Variants in IFT52 observed in about 807,000 individuals in gnomAD.
The protein encoded by IFT52 is intraflagellar transport protein 52 homolog.
In IFT52, 44 loss-of-function variants were observed where a neutral mutation model predicts 54.4. The observed-to-expected ratio is 0.81, with a 90% CI of 0.63 to 1.04. IFT52 has a LOEUF of 1.04. Ranked by LOEUF, IFT52 falls within the 50% of genes least tolerant of loss-of-function variation. The pLI, the probability that IFT52 is intolerant of heterozygous loss-of-function variation, is 0.00. For missense variants in IFT52, 452 were observed against 523.6 expected (o/e 0.86, Z 1.33); for synonymous variants, 181 against 185.3 (o/e 0.98, Z 0.19).
In IFT52 at chr20:43,642,544, C is replaced by T. The variant is rs752203011; in HGVS notation, c.1186C>T (p.Leu396=). 8 of 1,614,082 alleles carry T rather than the reference C, an allele frequency of 5.0e-6. No individual in the cohort carries two copies. In the South Asian group the frequency reaches 8.8e-5, roughly 18 times the overall value. ...CGDILGVTSK[L]PKDQQDAKHI... is the part of the protein sequence containing the mutation. ...TGATATTCTTGGAGTAACCAGTAAACTACCAAAGGACCAACAGGATGCCAA... is the reference window on the plus strand; with the variant it reads ...TGATATTCTTGGAGTAACCAGTAAATTACCAAAGGACCAACAGGATGCCAA... The change falls in exon 13 of 14, where the codon CTA becomes TTA. Residue 396 remains leucine, a synonymous_variant. Transcript: ENST00000373030.
At chr20:43,614,196 A>T (rs1432611691) in intron 7 of IFT52, among the ~76,000 whole-genome samples, 1 of 152,126 alleles carries the variant, frequency 6.6e-6, no homozygotes, top group Admixed American at 6.6e-5. Context: ...TATTATTCTA[A>T]ACCCGAAGCT....
intron 10 of IFT52, among the ~76,000 whole-genome samples, chr20:43,626,753 TAGTATGTAAAGCC>T (rs1314964211): frequency 9.3e-5 from 14 of 151,304 alleles, no homozygotes; most frequent in African/African-American, 3.4e-4. Context: ...ATATGGTAGA[TAGTATGTAAAGCC>T]ATGTGACTGG....
intron 3 of IFT52, among the ~76,000 whole-genome samples, chr20:43,601,528 A>G (rs574373027): frequency 2.6e-5 from 4 of 152,348 alleles, no homozygotes; most frequent in African/African-American, 9.6e-5. Flanking sequence ...ATTGCACACC[A>G]CATCCTTCAT....
chr20:43,642,562 G>C lies in IFT52; in HGVS notation c.1204G>C (p.Asp402His). Reference sequence around the variant, plus strand: ...CAGTAAACTACCAAAGGACCAACAGGATGCCAAACATATCCTTGAGCACGT... The same window carrying C: ...CAGTAAACTACCAAAGGACCAACAGCATGCCAAACATATCCTTGAGCACGT... ...VTSKLPKDQQ[D>H]AKHILEHVFF... The change falls in exon 13 of 14, where the codon GAT becomes CAT. Residue 402 changes from aspartate (D) to histidine (H), a missense_variant. Asp to His is a moderately conservative substitution (Grantham distance 81). Transcript: ENST00000373030. 6.2e-7 allele frequency: 1 copy of C among 1,614,136 alleles called. No individual in the cohort carries two copies. The highest frequency in any genetic ancestry group is 8.5e-7 in the Non-Finnish European group (1 of 1,180,008).
intron 10 of IFT52, among the ~76,000 whole-genome samples, chr20:43,632,996 A>G (rs1985274914): frequency 7.1e-6 from 1 of 141,790 alleles, no homozygotes; most frequent in African/African-American, 3.1e-5. Context: ...ATAACAACAC[A>G]TTTTGTCTCT....
At chr20:43,639,701 C>T (rs422234) in intron 12 of IFT52, among the ~76,000 whole-genome samples, 118,429 of 151,786 alleles carry the variant, frequency 0.78, 46,387 homozygotes, top group Admixed American at 0.8. Flanking sequence ...TAGCCAGGTG[C>T]GGTGACGCAT....
intron 1 of IFT52, 65 bp downstream of exon 1, chr20:43,591,119 C>T (rs1013973707): frequency 1.3e-5 from 2 of 152,384 alleles, no homozygotes; most frequent in African/African-American, 2.4e-5. Context: ...TGGCGAGGGA[C>T]TCGCCGCACT....
intron 10 of IFT52, among the ~76,000 whole-genome samples, chr20:43,624,774 G>C (rs747061580): frequency 4.5e-4 from 69 of 152,112 alleles, no homozygotes; most frequent in Non-Finnish European, 8.5e-4. Context: ...AAGGGCCAGG[G>C]CTCATCTTCA....
chr20:43,605,864 T>C (rs1426402084), intron 6 of IFT52, among the ~76,000 whole-genome samples: 1 of 152,202 alleles, frequency 6.6e-6, no homozygotes, highest in African/African-American at 2.4e-5. Context: ...AGAACTTAGA[T>C]GCAAACATAG....
chr20:43,603,747 T>C lies in IFT52; in HGVS notation c.208-13T>C. Reference sequence around the variant, plus strand: ...TCAAGTATATTCATAGATTGCTTTTTTCCTTTGTGTAGTTTGAAATCCTGA... The same window carrying C: ...TCAAGTATATTCATAGATTGCTTTTCTCCTTTGTGTAGTTTGAAATCCTGA... On this transcript the variant is annotated splice_polypyrimidine_tract_variant and intron_variant, in intron 3 of 13. Coordinates refer to ENST00000373030, the MANE Select transcript of IFT52 (RefSeq NM_016004.5). 3 of 1,610,362 alleles carry C rather than the reference T, an allele frequency of 1.9e-6. No individual in the cohort carries two copies. The highest frequency in any genetic ancestry group is 2.2e-5 in the South Asian group (2 of 89,868).
At chr20:43,614,782 AC>A (rs926878231) in intron 7 of IFT52, among the ~76,000 whole-genome samples, 27 of 150,782 alleles carry the variant, frequency 1.8e-4, no homozygotes, top group African/African-American at 6.3e-4. Context: ...CCAGGCAGTG[AC>A]CCAACATCCC....
chr20:43,617,641 G>A (rs1291214676), intron 7 of IFT52, among the ~76,000 whole-genome samples: 1 of 152,088 alleles, frequency 6.6e-6, no homozygotes, highest in African/African-American at 2.4e-5. Flanking sequence ...ACGGAGTTTG[G>A]CCATCTTGGC....
In IFT52 at chr20:43,629,769, C is replaced by T. The variant is rs192848536; in HGVS notation, c.923+5724C>T. 7.1e-4 allele frequency among the ~76,000 whole-genome samples: 108 copies of T among 152,266 alleles called. 1 individual carries two copies. Among genetic ancestry groups the T allele is most frequent in the African/African-American group, 2.4e-3 (100 of 41,568 alleles). On this transcript the variant is annotated intron_variant, in intron 10 of 13. Coordinates refer to ENST00000373030, the MANE Select transcript of IFT52 (RefSeq NM_016004.5). The stretch of plus-strand genomic sequence containing the variant: ...CCTGACTAACAATTGTCTTTAGCTC[C>T]CCTCTCATCTCCCCTTCCTTCAATA...
At chr20:43,635,621 G>A (rs936310967) in intron 10 of IFT52, among the ~76,000 whole-genome samples, 8 of 152,158 alleles carry the variant, frequency 5.3e-5, no homozygotes, top group Admixed American at 1.3e-4. Context: ...TTATGGCTGC[G>A]TAGTATTCAT....
chr20:43,611,404 TGTTTAA>T (rs1983435423), intron 6 of IFT52, among the ~76,000 whole-genome samples: 1 of 149,902 alleles, frequency 6.7e-6, no homozygotes, highest in Non-Finnish European at 1.5e-5. Flanking sequence ...TGGGGATGGG[TGTTTAA>T]GTTTATACTT....
At chr20:43,639,265 C>A (rs78505650) in intron 12 of IFT52, among the ~76,000 whole-genome samples, 1,630 of 148,712 alleles carry the variant, frequency 0.011, 20 homozygotes, top group African/African-American at 0.03. Context: ...TGCCTGAGCA[C>A]GGTGGATCAT....
chr20:43,594,775 A>G lies in IFT52; in HGVS notation c.77A>G (p.Lys26Arg). 1 of 1,612,832 alleles carries G rather than the reference A, an allele frequency of 6.2e-7. No individual in the cohort carries two copies. ...KEIFTTNNGYKSMQKKLRSNW... is the reference protein window; with the variant it reads ...KEIFTTNNGYRSMQKKLRSNW... Reference sequence around the variant, plus strand: ...ATATTTACCACCAACAATGGCTACAAATCCATGCAGAAAAAACTTCGGAGT... The same window carrying G: ...ATATTTACCACCAACAATGGCTACAGATCCATGCAGAAAAAACTTCGGAGT... The change falls in exon 2 of 14, where the codon AAA becomes AGA. Residue 26 changes from lysine to arginine, a missense_variant. Transcript: ENST00000373030.
At chr20:43,630,567 A>G (rs1170924302) in intron 10 of IFT52, among the ~76,000 whole-genome samples, 1 of 152,184 alleles carries the variant, frequency 6.6e-6, no homozygotes, top group Non-Finnish European at 1.5e-5. Context: ...TGTCAACTAC[A>G]GGGTGTTGCT....
intron 5 of IFT52, 31 bp downstream of exon 5, chr20:43,604,289 C>T (rs1465509758): frequency 6.6e-7 from 1 of 1,513,180 alleles, no homozygotes; most frequent in Admixed American, 1.7e-5. Flanking sequence ...AATATCTTGG[C>T]AAGGCATCGT....
Sources: gnomAD v4.1 joint callset for allele counts (sites outside exome capture counted in the v4.1 genomes callset) on GRCh38, gnomAD v4.1.1 for gene constraint, MANE v1.5 for transcripts, NCBI Gene and HGNC (gene_info 2026-07-23, HGNC 2026-07-21) for gene names.